Variants in KCNK2 observed in about 807,000 individuals in gnomAD.
The protein encoded by KCNK2 is potassium two pore domain channel subfamily K member 2.
A neutral mutation model predicts 40.5 loss-of-function variants in KCNK2; 21 were observed. The observed-to-expected ratio is 0.52, with a 90% CI of 0.37 to 0.75. The LOEUF is 0.75. Among genes scored for constraint, KCNK2 ranks in the 30% least tolerant of loss-of-function variants. The probability of loss-of-function intolerance (pLI) is 0.00; values close to 1 mark genes in which losing one functional copy is unlikely to be tolerated. For synonymous variants in KCNK2, 191 were observed against 202.2 expected (o/e 0.94, Z 0.47); for missense variants, 399 against 531.6 (o/e 0.75, Z 2.45).
intron 1 of KCNK2, among the ~76,000 whole-genome samples, chr1:215,022,105 T>TCCTA (rs1656817553): frequency 1.1e-4 from 1 of 9,278 alleles, no homozygotes. Context: ...ATAAATCCCC[T>TCCTA]CCTATCTATC....
At chr1:215,185,360 G>A (rs1218012552) in intron 5 of KCNK2, among the ~76,000 whole-genome samples, 1 of 152,068 alleles carries the variant, frequency 6.6e-6, no homozygotes, top group Non-Finnish European at 1.5e-5. Flanking sequence ...TTACATTCCA[G>A]GTCCTTGTGT....
At chr1:215,072,209 A>G (rs542824548) in intron 1 of KCNK2, among the ~76,000 whole-genome samples, 86 of 152,310 alleles carry the variant, frequency 5.6e-4, no homozygotes, top group African/African-American at 2.0e-3. Flanking sequence ...TGTTACCTGT[A>G]TTAGTCTGTT....
chr1:215,021,703 G>A (rs1414378854), intron 1 of KCNK2, among the ~76,000 whole-genome samples: 2 of 151,886 alleles, frequency 1.3e-5, no homozygotes, highest in African/African-American at 2.4e-5. Flanking sequence ...CCGCCACCAC[G>A]CCTGGCTAAT....
At chr1:215,154,949 G>A (rs1390064778) in intron 3 of KCNK2, among the ~76,000 whole-genome samples, 1 of 151,844 alleles carries the variant, frequency 6.6e-6, no homozygotes, top group African/African-American at 2.4e-5. Flanking sequence ...TGTCTGTTTT[G>A]GTACCAGCAC....
In KCNK2 at chr1:215,235,191, T is replaced by A. The variant is rs769832733; in HGVS notation, c.*46T>A. 2 of 1,488,922 alleles carry A rather than the reference T, an allele frequency of 1.3e-6. No individual in the cohort carries two copies. The highest frequency in any genetic ancestry group is 3.6e-5 in the Admixed American group (2 of 56,190). The allele number at this position is 1,488,922 out of a possible 1,614,324, so 92.2% of individuals were successfully genotyped here. ...AGGCATAGCCATAGGTGAGGACTTC[T>A]CTATGCTCTTTATGACTGTTGCTGG... On this transcript the variant is annotated 3_prime_UTR_variant, in exon 7 of 7. Transcript: ENST00000444842.
intron 2 of KCNK2, among the ~76,000 whole-genome samples, chr1:215,117,042 A>G (rs1660976574): frequency 6.6e-6 from 1 of 151,962 alleles, no homozygotes. Flanking sequence ...ATTTGTCAGT[A>G]CTCTATAACA....
chr1:215,046,695 A>G (rs1657783926), intron 1 of KCNK2, among the ~76,000 whole-genome samples: 1 of 152,150 alleles, frequency 6.6e-6, no homozygotes, highest in African/African-American at 2.4e-5. Flanking sequence ...TGTAAAATTT[A>G]GAAAAACAGA....
chr1:215,151,179 AT>A (rs1430652000), intron 3 of KCNK2, among the ~76,000 whole-genome samples: 1 of 152,136 alleles, frequency 6.6e-6, no homozygotes, highest in African/African-American at 2.4e-5. Flanking sequence ...AGAGAAAAAA[AT>A]ATTGCACATC....
chr1:215,198,394 T>C (rs1279364902), intron 6 of KCNK2, among the ~76,000 whole-genome samples: 1 of 152,216 alleles, frequency 6.6e-6, no homozygotes, highest in Admixed American at 6.5e-5. Context: ...AATGGGGTCA[T>C]GAATTCAACA....
At position 215,230,056 on chromosome 1, in the gene KCNK2, G is replaced by GAT. The variant is rs201820502; in HGVS notation, c.964-4762_964-4761dup. ...ACATATATAGATATATATACACACA[G>GAT]ATATATATATAGATATATATATCTG... On this transcript the variant is annotated intron_variant, in intron 6 of 6. Coordinates refer to ENST00000444842, the MANE Select transcript of KCNK2 (RefSeq NM_001017425.3). 2.0e-3 allele frequency among the ~76,000 whole-genome samples: 270 copies of GAT among 135,268 alleles called. 1 individual carries two copies. Among genetic ancestry groups the GAT allele is most frequent in the African/African-American group, 6.5e-3 (221 of 34,192 alleles). The allele number at this position is 135,268 out of a possible 152,430, so 88.7% of individuals were successfully genotyped here.
At chr1:215,008,273 C>G (rs1436258445) in intron 1 of KCNK2, among the ~76,000 whole-genome samples, 1 of 152,020 alleles carries the variant, frequency 6.6e-6, no homozygotes, top group Non-Finnish European at 1.5e-5. Flanking sequence ...TTATTGATGA[C>G]AAATGATAAC....
chr1:215,198,802 G>T (rs1664969503), intron 6 of KCNK2, among the ~76,000 whole-genome samples: 1 of 151,928 alleles, frequency 6.6e-6, no homozygotes, highest in Non-Finnish European at 1.5e-5. Flanking sequence ...GATTTAACTG[G>T]TACAAAATAT....
intron 3 of KCNK2, among the ~76,000 whole-genome samples, chr1:215,154,669 C>A (rs756501964): frequency 6.6e-6 from 1 of 151,994 alleles, no homozygotes; most frequent in African/African-American, 2.4e-5. Context: ...CCTATGTCCT[C>A]AATGGTATTG....
intron 1 of KCNK2, among the ~76,000 whole-genome samples, chr1:215,077,728 T>C (rs539222325): frequency 5.3e-4 from 80 of 152,140 alleles, no homozygotes; most frequent in African/African-American, 1.9e-3. Flanking sequence ...TGCAGTCTTC[T>C]TCCGAGCTCT....
intron 3 of KCNK2, among the ~76,000 whole-genome samples, chr1:215,144,131 A>T (rs1215500891): frequency 6.6e-6 from 1 of 152,210 alleles, no homozygotes; most frequent in African/African-American, 2.4e-5. Context: ...TACAGTTTTT[A>T]AAAATGTAAA....
At chr1:215,100,619 T>C (rs946292395) in intron 2 of KCNK2, among the ~76,000 whole-genome samples, 5 of 151,996 alleles carry the variant, frequency 3.3e-5, no homozygotes, top group African/African-American at 1.2e-4. Context: ...AATTTAAACA[T>C]TGCTGGTTGC....
Position 215,083,115 on chromosome 1 carries a change from G to A in KCNK2, c.-271G>A. ...CGCGCGCGGGGGCGGCGGCGCCCAA[G>A]CCCAACTTGGCCTCCGCCTCGCCCT... On this transcript the variant is annotated 5_prime_UTR_variant, in exon 1 of 7. Coordinates refer to ENST00000444842, the MANE Select transcript of KCNK2 (RefSeq NM_001017425.3). The A allele has an allele frequency of 1.7e-6, 1 of 588,068 alleles. No homozygotes were observed. The highest frequency in any genetic ancestry group is 2.4e-5 in the South Asian group (1 of 41,732). 36.4% of individuals were successfully genotyped at this position (588,068 alleles called of 1,614,324 possible).
chr1:215,091,719 G>A lies in KCNK2; in HGVS notation c.357+5041G>A, dbSNP rs142853280. Among the ~76,000 whole-genome samples, 47 of 152,264 alleles carry A rather than the reference G, an allele frequency of 3.1e-4. 1 individual carries two copies. The highest frequency in any genetic ancestry group is 9.9e-4 in the African/African-American group (41 of 41,552). On this transcript the variant is annotated intron_variant, in intron 2 of 6. Transcript: ENST00000444842. ...AGAGGGCTTGGAAATGTTGGATGGCGTTGGTGATTAATTCCAGATATGGTC... is the reference window on the plus strand; with the variant it reads ...AGAGGGCTTGGAAATGTTGGATGGCATTGGTGATTAATTCCAGATATGGTC...
intron 1 of KCNK2, among the ~76,000 whole-genome samples, chr1:215,036,554 G>C (rs1657392044): frequency 6.6e-6 from 1 of 151,562 alleles, no homozygotes; most frequent in African/African-American, 2.4e-5. Flanking sequence ...GAATCAGCTT[G>C]TCAGTTTCTT....
Sources: allele counts gnomAD v4.1 joint callset (sites outside exome capture counted in the v4.1 genomes callset), GRCh38; gene constraint gnomAD v4.1.1; transcripts MANE v1.5; gene names NCBI Gene and HGNC (gene_info 2026-07-23, HGNC 2026-07-21).